CRTC2: variants seen among roughly 807,000 people sequenced by gnomAD.
The protein encoded by CRTC2 is CREB regulated transcription coactivator 2.
A neutral mutation model predicts 70.9 loss-of-function variants in CRTC2; 25 were observed. The ratio of observed to expected loss-of-function variants is 0.35; its 90% CI spans 0.26 to 0.49. CRTC2 has a LOEUF of 0.49. Among genes scored for constraint, CRTC2 ranks in the 20% least tolerant of loss-of-function variants. The pLI is 0.98. For synonymous variants in CRTC2, 330 were observed against 364.1 expected, an observed-to-expected ratio of 0.91 and a Z score of 1.07; for missense variants, 737 against 882.6, an observed-to-expected ratio of 0.83 and a Z score of 2.09.
rs775889536 is a variant in CRTC2, at chr1:153,949,180, G to A, written c.1609C>T (p.Pro537Ser). The change falls in exon 12 of 14, where the codon CCT becomes TCT. Residue 537 changes from proline to serine, a missense_variant. By Grantham distance (74) the Pro-to-Ser change is moderately conservative (BLOSUM62 -1). Transcript: ENST00000368633. ...RQSHYGTPYP[P>S]GPSGHGQQSY... Reference sequence around the variant, plus strand: ...TGTTGCCCATGCCCACTGGGCCCAGGTGGGTACGGTGTCCCATAATGAGAC... The same window carrying A: ...TGTTGCCCATGCCCACTGGGCCCAGATGGGTACGGTGTCCCATAATGAGAC... 9 of 1,614,120 alleles carry A rather than the reference G, an allele frequency of 5.6e-6. No individual in the cohort carries two copies. The highest frequency in any genetic ancestry group is 5.5e-5 in the South Asian group (5 of 91,080).
Position 153,951,420 on chromosome 1 carries a change from G to A in CRTC2, c.1244C>T (p.Ser415Phe), listed in dbSNP as rs1049972247. 34 of 1,606,074 alleles carry A rather than the reference G, an allele frequency of 2.1e-5. No homozygotes were observed. The highest frequency in any genetic ancestry group is 3.3e-4 in the Middle Eastern group (2 of 6,034). ...GGCCCCAGGGGTAGAAGCAGGGTAAGAGGGGGCGCCCAAAACAGGAGATGA... is the reference window on the plus strand; with the variant it reads ...GGCCCCAGGGGTAGAAGCAGGGTAAAAGGGGGCGCCCAAAACAGGAGATGA... ...STSSPVLGAP[S>F]YPASTPGASP... Residue 415 changes from serine (S) to phenylalanine (F), a missense_variant, in exon 11 of 14, where the codon TCT (serine) becomes TTT (phenylalanine). Around this residue, in one of 3 missense-constraint regions of CRTC2, gnomAD observed 699 missense variants for 823.7 expected, o/e 0.85. Transcript: ENST00000368633.
intron 11 of CRTC2, 103 bp from the exon 12 acceptor site, chr1:153,949,487 A>G (rs1680208570): frequency 8.1e-7 from 1 of 1,230,772 alleles, no homozygotes; most frequent in Non-Finnish European, 1.1e-6. Context: ...TCCCAAAACA[A>G]ACATGACAAC....
intron 1 of CRTC2, among the ~76,000 whole-genome samples, chr1:153,956,519 G>C (rs1407015302): frequency 1.3e-5 from 2 of 152,308 alleles, no homozygotes; most frequent in Non-Finnish European, 2.9e-5. Flanking sequence ...GAGCTTCCAG[G>C]GTCACACTCT....
intron 11 of CRTC2, among the ~76,000 whole-genome samples, chr1:153,950,090 A>T (rs1680243616): frequency 6.6e-6 from 1 of 152,100 alleles, no homozygotes; most frequent in Admixed American, 6.6e-5. Flanking sequence ...GCGCGACTGC[A>T]CCTGGGTAAT....
At chr1:153,955,670 GA>G (rs137866911) in intron 1 of CRTC2, among the ~76,000 whole-genome samples, 2,766 of 143,544 alleles carry the variant, frequency 0.019, 98 homozygotes, top group African/African-American at 0.068. Context: ...GACAGACTGA[GA>G]TCCTGTCTCC....
intron 13 of CRTC2, 28 bp from the exon 14 acceptor site, chr1:153,948,357 C>T: frequency 6.2e-7 from 1 of 1,613,386 alleles, no homozygotes; most frequent in Non-Finnish European, 8.5e-7. Flanking sequence ...AGGTGAGGAC[C>T]CCATGTCCTG....
rs761019633 is a variant in CRTC2 at position 153,958,498 on chromosome 1, C to T, written c.-1G>A. On this transcript the variant is annotated 5_prime_UTR_variant, in exon 1 of 14. Coordinates refer to ENST00000368633, the MANE Select transcript of CRTC2 (RefSeq NM_181715.3). The stretch of plus-strand genomic sequence containing the variant: ...GCCCGTTCGCCCCCGACGTCGCCAT[C>T]TTCCTTCCCCGTCCCTCCCTGCCAC... The T allele has an allele frequency of 6.2e-7, 1 of 1,606,936 alleles. No individual in the cohort carries two copies.
At position 153,957,971 on chromosome 1, in the gene CRTC2, A is replaced by G. The variant is rs1010992432; in HGVS notation, c.153+374T>C. The G allele has an allele frequency of 3.2e-5, 32 of 994,302 alleles. No individual in the cohort carries two copies. In the African/African-American group the frequency reaches 5.3e-4, roughly 16 times the overall value. The allele number at this position is 994,302 out of a possible 1,614,324, so 61.6% of individuals were successfully genotyped here. On this transcript the variant is annotated intron_variant, in intron 1 of 13. Transcript: ENST00000368633. ...CAGAGGAGCCAGGTTACAGACAAGC[A>G]GCCCTCCTCCCAGGCCATACCCCAA... is the stretch of plus-strand genomic sequence containing the variant.
chr1:153,953,559 C>T lies in CRTC2; in HGVS notation c.482G>A (p.Arg161Gln), dbSNP rs763177875. 1 of 1,611,136 alleles carries T rather than the reference C, an allele frequency of 6.2e-7. No individual in the cohort carries two copies. The highest frequency in any genetic ancestry group is 8.5e-7 in the Non-Finnish European group (1 of 1,179,334). ...TCACCTGTTAAGTGCAGATGGTAGT[C>T]GAAACAACTGCCCCTTCTCTGCAGG... Reference protein sequence around the residue: ...NFPAEKGQLFRLPSALNRTSS... With the variant: ...NFPAEKGQLFQLPSALNRTSS... Residue 161 changes from arginine (R) to glutamine (Q), a missense_variant, in exon 5 of 14, where the codon CGA becomes CAA. Physicochemically the swap from Arg to Gln is conservative, Grantham distance 43. Transcript: ENST00000368633.
chr1:153,951,122 A>G, intron 11 of CRTC2, 138 bp downstream of exon 11: 1 of 950,092 alleles, frequency 1.1e-6, no homozygotes, highest in Non-Finnish European at 1.6e-6. Flanking sequence ...TGGATAAAAG[A>G]TGGGGCAGGC....
chr1:153,952,262 G>A lies in CRTC2; in HGVS notation c.753C>T (p.Asn251=), dbSNP rs761929818. 2 of 1,604,112 alleles carry A rather than the reference G, an allele frequency of 1.2e-6. No homozygotes were observed. Among genetic ancestry groups the A allele is most frequent in the East Asian group, 4.5e-5 (2 of 44,754 alleles). The change falls in exon 10 of 14, where the codon AAC becomes AAT. Residue 251 remains asparagine, a splice_region_variant and synonymous_variant. Transcript: ENST00000368633. ...RPRSCEVPGI[N]IFPSPDQPAN... ...CAGGCTGGTCAGGAGATGGAAAGAT[G>A]CTAGGGGAAGGAGAGAAAAAGAAAG...
Position 153,951,321 on chromosome 1 carries a change from T to C in CRTC2, c.1343A>G (p.Gln448Arg), listed in dbSNP as rs753202757. ...LAGPADARRS[Q>R]QQLPKQFSPT... Reference sequence around the variant, plus strand: ...CGAAAACTGTTTGGGCAGCTGCTGTTGGGACCTTCTGGCGTCGGCTGGGCC... The same window carrying C: ...CGAAAACTGTTTGGGCAGCTGCTGTCGGGACCTTCTGGCGTCGGCTGGGCC... The change falls in exon 11 of 14, where the codon CAA becomes CGA. Residue 448 changes from glutamine (Q) to arginine (R), a missense_variant. Gln to Arg is a conservative substitution (Grantham distance 43, BLOSUM62 1). Transcript: ENST00000368633. 8 of 1,613,696 alleles carry C rather than the reference T, an allele frequency of 5.0e-6. No homozygotes were observed. Among genetic ancestry groups the C allele is most frequent in the Non-Finnish European group, 5.9e-6 (7 of 1,179,962 alleles).
chr1:153,948,896 G>T, intron 12 of CRTC2: 1 of 740,572 alleles, frequency 1.4e-6, no homozygotes, highest in Non-Finnish European at 2.4e-6. Context: ...TCATCAAAGA[G>T]CAAGCTGAGC....
rs767239404 is a variant in CRTC2, at chr1:153,948,183, T to C, written c.2008A>G (p.Met670Val). The change falls in exon 14 of 14, where the codon ATG becomes GTG. Residue 670 changes from methionine (M) to valine (V), a missense_variant. Coordinates refer to ENST00000368633, the MANE Select transcript of CRTC2 (RefSeq NM_181715.3). Reference protein sequence around the residue: ...MEPLGLEGLNMLSDPCALLPD... With the variant: ...MEPLGLEGLNVLSDPCALLPD... Reference sequence around the variant, plus strand: ...AGCAGGGCACAGGGGTCACTCAGCATGTTTAGCCCTTCCAGGCCCAGTGGC... The same window carrying C: ...AGCAGGGCACAGGGGTCACTCAGCACGTTTAGCCCTTCCAGGCCCAGTGGC... The C allele has an allele frequency of 1.2e-6, 2 of 1,614,244 alleles. No homozygotes were observed. Among genetic ancestry groups the C allele is most frequent in the Non-Finnish European group, 1.7e-6 (2 of 1,180,038 alleles).
At chr1:153,949,534 CAGTT>C in intron 11 of CRTC2, 150 bp from the exon 12 acceptor site, 2 of 798,544 alleles carry the variant, frequency 2.5e-6, no homozygotes, top group South Asian at 2.0e-5. Flanking sequence ...GGGTTGAGTG[CAGTT>C]ACTCAACCCC....
At chr1:153,948,399 T>C in intron 13 of CRTC2, 59 bp downstream of exon 13, 4 of 1,610,598 alleles carry the variant, frequency 2.5e-6, no homozygotes, top group Non-Finnish European at 3.4e-6. Flanking sequence ...AATCTCCTAC[T>C]CATTAGTGAA....
At chr1:153,953,147 C>T (rs576193263) in intron 6 of CRTC2, 119 bp downstream of exon 6, 7 of 619,148 alleles carry the variant, frequency 1.1e-5, no homozygotes, top group Admixed American at 6.3e-5. Context: ...CACGCCACTG[C>T]ACTCCAGCCT....
chr1:153,951,171 G>C, intron 11 of CRTC2, 89 bp downstream of exon 11: 1 of 1,322,688 alleles, frequency 7.6e-7, no homozygotes, highest in Non-Finnish European at 1.1e-6. Context: ...TATAGAGTAG[G>C]TATTTCAGGA....
Position 153,952,559 on chromosome 1 carries a change from GCCT to G in CRTC2, c.702+9_702+11del, listed in dbSNP as rs777013796. The G allele has an allele frequency of 9.9e-6, 16 of 1,613,976 alleles. No individual in the cohort carries two copies. Among genetic ancestry groups the G allele is most frequent in the South Asian group, 7.7e-5 (7 of 91,082 alleles). On this transcript the variant is annotated intron_variant, in intron 8 of 13. Coordinates refer to ENST00000368633, the MANE Select transcript of CRTC2 (RefSeq NM_181715.3). ...AGAGACTAGTGGGTGACACCCGGTG[GCCT>G]CCTCCTACCTTCTTAGCATCCCATG...
Sources: gnomAD v4.1 joint callset for allele counts (sites outside exome capture counted in the v4.1 genomes callset) on GRCh38, gnomAD v4.1.1 for gene constraint, gnomAD v4.1.1 regional missense constraint, MANE v1.5 for transcripts, NCBI Gene and HGNC (gene_info 2026-07-23, HGNC 2026-07-21) for gene names.